The following TDRD10 variants were observed in gnomAD, a reference collection of about 807,000 sequenced individuals.
The protein encoded by TDRD10 is tudor domain-containing protein 10.
Under a neutral mutation model 48.0 loss-of-function variants are expected in TDRD10, and 40 were observed. That is an observed-to-expected ratio of 0.83 (90% CI 0.65 to 1.09). The LOEUF (loss-of-function observed/expected upper bound fraction) is 1.09, where lower values mean the gene tolerates loss of function less well. Ranked by LOEUF, TDRD10 falls within the 50% of genes least tolerant of loss-of-function variation. TDRD10 has a pLI of 0.00. For synonymous variants in TDRD10, 162 were observed against 170.4 expected (o/e 0.95, Z 0.38); for missense variants, 378 against 434.7 (o/e 0.87, Z 1.16).
intron 6 of TDRD10, among the ~76,000 whole-genome samples, chr1:154,526,480 G>A (rs1389544198): frequency 2.0e-5 from 3 of 149,014 alleles, no homozygotes; most frequent in African/African-American, 5.0e-5. Flanking sequence ...GTGCAGAGGC[G>A]CGATCTGAGC....
rs372540391 is a variant in TDRD10 at position 154,508,787 on chromosome 1, C to T, written c.141+306C>T. On this transcript the variant is annotated intron_variant, in intron 4 of 12. Transcript: ENST00000368482. Reference sequence around the variant, plus strand: ...AGGTAGCTTCTTTTTAGGAAGGGACCTTGTTAGGGCTCAGCTGCTGATCCT... The same window carrying T: ...AGGTAGCTTCTTTTTAGGAAGGGACTTTGTTAGGGCTCAGCTGCTGATCCT... 1.6e-4 allele frequency among the ~76,000 whole-genome samples: 25 copies of T among 152,224 alleles called. 1 individual carries two copies. In the East Asian group the frequency reaches 3.9e-3, roughly 23 times the overall value.
rs1392479649 is a variant in TDRD10 at position 154,544,687 on chromosome 1, C to T, written c.798-108C>T. On this transcript the variant is annotated intron_variant, in intron 10 of 12. Transcript: ENST00000368482. ...GGATTGGGGAGAAACAGAGCAAACT[C>T]GCTCTTCCTCCCTCCTACCTCCACT... 7.3e-6 allele frequency: 11 copies of T among 1,497,152 alleles called. No homozygotes were observed. The East Asian group carries it at 2.1e-4, about 28-fold the overall frequency. 92.7% of individuals were successfully genotyped at this position (1,497,152 alleles called of 1,614,324 possible). A position where few individuals can be genotyped will look rare whatever the true frequency, so the allele number is the denominator to read the frequency against.
At chr1:154,504,500 C>T (rs540954391) in intron 1 of TDRD10, among the ~76,000 whole-genome samples, 1 of 152,278 alleles carries the variant, frequency 6.6e-6, no homozygotes, top group South Asian at 2.1e-4. Context: ...TATGAGGGCC[C>T]CTGTTTCTTC....
At chr1:154,531,047 G>A (rs1231575354) in intron 6 of TDRD10, among the ~76,000 whole-genome samples, 1 of 151,534 alleles carries the variant, frequency 6.6e-6, no homozygotes, top group Non-Finnish European at 1.5e-5. Flanking sequence ...CACCATGTTG[G>A]CCAGGCTGGT....
At chr1:154,527,427 TATTC>T (rs1694374147) in intron 6 of TDRD10, among the ~76,000 whole-genome samples, 1 of 152,240 alleles carries the variant, frequency 6.6e-6, no homozygotes, top group Non-Finnish European at 1.5e-5. Flanking sequence ...GACAATTGCT[TATTC>T]ATGTAGAAAA....
rs961078803 is a variant in TDRD10 at position 154,502,631 on chromosome 1, C to A, written c.-426C>A. On this transcript the variant is annotated 5_prime_UTR_variant, in exon 1 of 13. Transcript: ENST00000368482. ...GAGAGCCCCCTTCTGCCGCCGACAG[C>A]CCGCGTCTGCACCGAGCCGGTCTCG... The A allele has an allele frequency of 6.6e-6, 1 of 152,308 alleles. No homozygotes were observed. Among genetic ancestry groups the A allele is most frequent in the African/African-American group, 2.4e-5 (1 of 41,456 alleles). 9.4% of individuals were successfully genotyped at this position (152,308 alleles called of 1,614,324 possible). A position where few individuals can be genotyped will look rare whatever the true frequency, so the allele number is the denominator to read the frequency against.
At chr1:154,540,268 A>G (rs868257227) in intron 6 of TDRD10, among the ~76,000 whole-genome samples, 15 of 152,012 alleles carry the variant, frequency 9.9e-5, no homozygotes, top group Admixed American at 7.2e-4. Context: ...ACACAGAGAA[A>G]AATGTTCATG....
rs768196430 is a variant in TDRD10, at chr1:154,521,403, G to A, written c.293G>A (p.Arg98Gln). 1.4e-5 allele frequency: 22 copies of A among 1,614,064 alleles called. 1 individual carries two copies. In the South Asian group the frequency reaches 2.1e-4, roughly 15 times the overall value. The change falls in exon 6 of 13, where the codon CGA (arginine) becomes CAA (glutamine). Residue 98 changes from arginine to glutamine, a missense_variant. Around this residue, in one of 2 missense-constraint regions of TDRD10, gnomAD observed 310 missense variants for 323.6 expected, o/e 0.96. Coordinates refer to ENST00000368482, the MANE Select transcript of TDRD10 (RefSeq NM_182499.4). ...CTGAATGGTAAACTCTTCCACAAGC[G>A]AAAACTGTTCGTGAATACAAGCAAA... ...QELNGKLFHKRKLFVNTSKRP... is the reference protein window; with the variant it reads ...QELNGKLFHKQKLFVNTSKRP...
At chr1:154,508,542 C>T in intron 4 of TDRD10, 61 bp downstream of exon 4, 1 of 1,070,608 alleles carries the variant, frequency 9.3e-7, no homozygotes, top group Non-Finnish European at 1.5e-6. Flanking sequence ...ACTTAGTAAC[C>T]TGCTAGTAAC....
intron 4 of TDRD10, among the ~76,000 whole-genome samples, chr1:154,517,509 C>T (rs1334429129): frequency 6.6e-6 from 1 of 151,398 alleles, no homozygotes; most frequent in Non-Finnish European, 1.5e-5. Context: ...GCACCCTCTG[C>T]CCCCTGGGGT....
At chr1:154,523,045 A>C (rs1289972188) in intron 6 of TDRD10, among the ~76,000 whole-genome samples, 41 of 152,160 alleles carry the variant, frequency 2.7e-4, no homozygotes, top group Non-Finnish European at 4.4e-5. Flanking sequence ...CTGGGACTAC[A>C]GGTGTGAACC....
At chr1:154,507,648 G>A (rs574769052) in intron 3 of TDRD10, among the ~76,000 whole-genome samples, 10 of 152,156 alleles carry the variant, frequency 6.6e-5, no homozygotes, top group African/African-American at 1.7e-4. Context: ...TCCCCAACCC[G>A]GTTACAGCCC....
In TDRD10 at chr1:154,546,009, G is replaced by A. The variant is rs186625733; in HGVS notation, c.952+1060G>A. ...AGACTGGTCTCGAACTCCTGACCTC[G>A]TGATCCGCCCACCTCGGCCTCCCAA... is the stretch of plus-strand genomic sequence containing the variant. On this transcript the variant is annotated intron_variant, in intron 11 of 12. Transcript: ENST00000368482. Among the ~76,000 whole-genome samples the A allele has an allele frequency of 1.2e-3, 171 of 138,480 alleles. 2 individuals are homozygous for A. In the South Asian group the frequency reaches 0.013, roughly 11 times the overall value. The allele number at this position is 138,480 out of a possible 152,430, so 90.8% of individuals were successfully genotyped here. A position where few individuals can be genotyped will look rare whatever the true frequency, so the allele number is the denominator to read the frequency against.
chr1:154,526,468 G>A (rs1025742316), intron 6 of TDRD10, among the ~76,000 whole-genome samples: 19 of 149,698 alleles, frequency 1.3e-4, no homozygotes, highest in African/African-American at 4.4e-4. Context: ...CACGTGGCTG[G>A]AGTGCAGAGG....
intron 6 of TDRD10, among the ~76,000 whole-genome samples, chr1:154,529,149 A>C (rs1206140762): frequency 6.6e-6 from 1 of 151,840 alleles, no homozygotes; most frequent in Admixed American, 6.6e-5. Flanking sequence ...GCACAATCTC[A>C]GCTCGCTGCA....
rs192219678 is a variant in TDRD10, at chr1:154,506,567, G to T, written c.-27-310G>T. On this transcript the variant is annotated intron_variant, in intron 1 of 12. Transcript: ENST00000368482. ...ATTTTTGTATTTTTGGTAGAGACAG[G>T]GTTTCACCATGTTGGCCAGGCTGGT... 1.3e-3 allele frequency among the ~76,000 whole-genome samples: 196 copies of T among 152,150 alleles called. 2 individuals carry two copies. Among genetic ancestry groups the T allele is most frequent in the South Asian group, 0.013 (62 of 4,814 alleles).
chr1:154,542,159 C>T (rs1695277579), intron 7 of TDRD10, 93 bp downstream of exon 7: 1 of 1,301,014 alleles, frequency 7.7e-7, no homozygotes, highest in Non-Finnish European at 1.1e-6. Context: ...CCTTCCAGCT[C>T]AGTCCCCTGA....
rs371934083 is a variant in TDRD10, at chr1:154,503,128, G to T, written c.-28+99G>T. The T allele has an allele frequency of 5.2e-4, 79 of 152,404 alleles. No homozygotes were observed. In the South Asian group the frequency reaches 0.015, roughly 30 times the overall value. The allele number at this position is 152,404 out of a possible 1,614,324, so 9.4% of individuals were successfully genotyped here. A position where few individuals can be genotyped will look rare whatever the true frequency, so the allele number is the denominator to read the frequency against. ...GGGAAACGCCCTCGTCCCGACTGAT[G>T]GGGGAAAGGGGTCGCTGTTCCCGCG... On this transcript the variant is annotated intron_variant, in intron 1 of 12. Coordinates refer to ENST00000368482, the MANE Select transcript of TDRD10 (RefSeq NM_182499.4).
chr1:154,504,946 C>A (rs1693058125), intron 1 of TDRD10, among the ~76,000 whole-genome samples: 1 of 152,116 alleles, frequency 6.6e-6, no homozygotes. Flanking sequence ...GAGATCGTAC[C>A]ATTGCACTCC....
Sources: gnomAD v4.1 joint callset for allele counts (sites outside exome capture counted in the v4.1 genomes callset) on GRCh38, gnomAD v4.1.1 for gene constraint, gnomAD v4.1.1 regional missense constraint, MANE v1.5 for transcripts, NCBI Gene and HGNC (gene_info 2026-07-23, HGNC 2026-07-21) for gene names.